The following PARD3B variants were observed in gnomAD, a reference collection of about 807,000 sequenced individuals.
PARD3B encodes the protein partitioning defective 3 homolog B.
In PARD3B, 103 loss-of-function variants were observed where a neutral mutation model predicts 130.2. The observed-to-expected ratio is 0.79, with a 90% CI of 0.67 to 0.93. The LOEUF is 0.93. PARD3B is among the 40% of genes least tolerant of loss of function. PARD3B has a pLI of 0.00. For synonymous variants in PARD3B, 583 were observed against 553.2 expected (o/e 1.05, Z -0.76); for missense variants, 1,609 against 1,499.2 (o/e 1.07, Z -1.21).
rs58133781 is a variant in PARD3B at position 205,145,823 on chromosome 2, C to CAAA, written c.1435-12884_1435-12882dup. 2.5e-3 allele frequency among the ~76,000 whole-genome samples: 314 copies of CAAA among 126,738 alleles called. 1 individual carries two copies. The highest frequency in any genetic ancestry group is 7.4e-3 in the African/African-American group (251 of 33,914). The allele number at this position is 126,738 out of a possible 152,430, so 83.1% of individuals were successfully genotyped here. A position where few individuals can be genotyped will look rare whatever the true frequency, so the allele number is the denominator to read the frequency against. On this transcript the variant is annotated intron_variant, in intron 10 of 22. Coordinates refer to ENST00000406610, the MANE Select transcript of PARD3B (RefSeq NM_001302769.2). ...ACTTTAAAAATAGCCTCCAAGAAGT[C>CAAA]AAAAAAAAAAAAAAAAACACCTTTT...
rs2051298809 is a variant in PARD3B at position 205,525,542 on chromosome 2, C to T, written c.3180+25511C>T. Among the ~76,000 whole-genome samples, 1 of 152,080 alleles carries T rather than the reference C, an allele frequency of 6.6e-6. No individual in the cohort carries two copies. Among genetic ancestry groups the T allele is most frequent in the Non-Finnish European group, 1.5e-5 (1 of 68,026 alleles). ...ATTATTAAAGATAAAAAACAAAGTT[C>T]CTGCTATAAACATAGGGGTATTGGT... On this transcript the variant is annotated intron_variant, in intron 21 of 22. Coordinates refer to ENST00000406610, the MANE Select transcript of PARD3B (RefSeq NM_001302769.2). This position sits in a 1 kb window ranked among gnomAD's most constrained non-coding sequence, Gnocchi z 4.2.
At chr2:205,029,469 AGCTTCCAGCTTAGTGC>A (rs1180060676) in intron 3 of PARD3B, among the ~76,000 whole-genome samples, 1 of 152,150 alleles carries the variant, frequency 6.6e-6, no homozygotes, top group Non-Finnish European at 1.5e-5. Flanking sequence ...AGTTTTCCCT[AGCTTCCAGCTTAGTGC>A]TTTGAACATA....
chr2:204,588,472 C>G (rs992265724), intron 1 of PARD3B, among the ~76,000 whole-genome samples: 2 of 152,178 alleles, frequency 1.3e-5, no homozygotes, highest in African/African-American at 4.8e-5. Flanking sequence ...CCTACAGAAA[C>G]TATTCCCCCC....
intron 18 of PARD3B, among the ~76,000 whole-genome samples, chr2:205,324,865 G>A (rs1023625785): frequency 6.6e-6 from 1 of 152,018 alleles, no homozygotes; most frequent in Non-Finnish European, 1.5e-5. Context: ...TGGTCCGTAG[G>A]TACCCCAAAA....
In PARD3B at chr2:205,154,659, A is replaced by G. The variant is rs552464332; in HGVS notation, c.1435-4063A>G. Among the ~76,000 whole-genome samples, 439 of 152,354 alleles carry G rather than the reference A, an allele frequency of 2.9e-3. 2 individuals carry two copies. The highest frequency in any genetic ancestry group is 6.9e-3 in the African/African-American group (287 of 41,594). On this transcript the variant is annotated intron_variant, in intron 10 of 22. Coordinates refer to ENST00000406610, the MANE Select transcript of PARD3B (RefSeq NM_001302769.2). ...TTGGAACCAACCCAAATGTCCATCA[A>G]TGACAGACTGGATTAAGAAAACATG...
chr2:205,313,183 A>T (rs2042449653), intron 18 of PARD3B, among the ~76,000 whole-genome samples: 1 of 152,208 alleles, frequency 6.6e-6, no homozygotes, highest in Non-Finnish European at 1.5e-5. Context: ...AAGCACATTT[A>T]GGATTGTTTG....
chr2:205,074,887 A>G (rs999852699), intron 4 of PARD3B, among the ~76,000 whole-genome samples: 27 of 152,218 alleles, frequency 1.8e-4, no homozygotes, highest in African/African-American at 5.5e-4. Flanking sequence ...GTTATTCTAC[A>G]TCAAAATATA....
intron 1 of PARD3B, among the ~76,000 whole-genome samples, chr2:204,660,920 A>T (rs2035786350): frequency 6.6e-6 from 1 of 152,206 alleles, no homozygotes; most frequent in Non-Finnish European, 1.5e-5. Context: ...AAATGAAGCC[A>T]TTAATTCCCA....
chr2:205,393,919 T>C (rs983800493), intron 18 of PARD3B, among the ~76,000 whole-genome samples: 3 of 151,906 alleles, frequency 2.0e-5, no homozygotes, highest in Non-Finnish European at 4.4e-5. Context: ...AGGAAAGAAA[T>C]AGAAACAGAA....
At chr2:204,914,187 G>A (rs935972198) in intron 2 of PARD3B, among the ~76,000 whole-genome samples, 3 of 152,172 alleles carry the variant, frequency 2.0e-5, no homozygotes, top group African/African-American at 7.2e-5. Context: ...TTCAGTCTGT[G>A]AGATGAGGGT....
chr2:204,978,591 G>C (rs1692392208), intron 3 of PARD3B, among the ~76,000 whole-genome samples: 1 of 152,176 alleles, frequency 6.6e-6, no homozygotes, highest in Admixed American at 6.5e-5. Context: ...GCTCAGTAAA[G>C]CACATCAGCT....
chr2:204,582,455 ACTAT>A (rs1288578174), intron 1 of PARD3B, among the ~76,000 whole-genome samples: 2 of 152,054 alleles, frequency 1.3e-5, no homozygotes, highest in African/African-American at 4.8e-5. Context: ...TTTTTTCTTG[ACTAT>A]CAAGAAAGAA....
At chr2:205,038,992 C>T (rs1575611269) in intron 3 of PARD3B, among the ~76,000 whole-genome samples, 1 of 152,078 alleles carries the variant, frequency 6.6e-6, no homozygotes, top group South Asian at 2.1e-4. Context: ...GGCACCAAAC[C>T]GGGTCAGGCA....
At chr2:205,061,558 C>T (rs1228633374) in intron 4 of PARD3B, among the ~76,000 whole-genome samples, 2 of 152,106 alleles carry the variant, frequency 1.3e-5, no homozygotes, top group Non-Finnish European at 2.9e-5. Context: ...GTGTTAAATA[C>T]ATACGTATGT....
chr2:205,529,185 C>CT (rs2106424193), intron 21 of PARD3B, among the ~76,000 whole-genome samples: 1 of 152,272 alleles, frequency 6.6e-6, no homozygotes, highest in Non-Finnish European at 1.5e-5. Flanking sequence ...TGGGGATCTG[C>CT]TTTGATGTCT....
Position 204,853,433 on chromosome 2 carries a change from G to A in PARD3B, c.223-111719G>A, listed in dbSNP as rs546284115. 1.0e-3 allele frequency among the ~76,000 whole-genome samples: 154 copies of A among 152,186 alleles called. 2 individuals carry two copies. Among genetic ancestry groups the A allele is most frequent in the Non-Finnish European group, 9.0e-4 (61 of 67,996 alleles). ...AAAGTGAAGACAGAATGATGGGCTG[G>A]GTTGTGTTGTTTGAGGCCAAGAGTT... On this transcript the variant is annotated intron_variant, in intron 2 of 22. Transcript: ENST00000406610.
chr2:204,561,305 G>A (rs1349970004), intron 1 of PARD3B, among the ~76,000 whole-genome samples: 1 of 152,246 alleles, frequency 6.6e-6, no homozygotes, highest in Admixed American at 6.5e-5. Context: ...GTTAATGAAA[G>A]TATAAATTGA....
chr2:204,974,615 C>T (rs1323416885), intron 3 of PARD3B, among the ~76,000 whole-genome samples: 1 of 152,130 alleles, frequency 6.6e-6, no homozygotes, highest in Non-Finnish European at 1.5e-5. Flanking sequence ...CTTTTTACCC[C>T]AGAGATCTGA....
intron 2 of PARD3B, among the ~76,000 whole-genome samples, chr2:204,846,811 A>G (rs2044479780): frequency 6.6e-6 from 1 of 151,860 alleles, no homozygotes; most frequent in African/African-American, 2.4e-5. Flanking sequence ...ATTAATTCTT[A>G]TACCAGGAGA....
Sources: gnomAD v4.1 joint callset for allele counts (sites outside exome capture counted in the v4.1 genomes callset) on GRCh38, gnomAD v4.1.1 for gene constraint, Gnocchi (gnomAD v3.1) non-coding constraint, MANE v1.5 for transcripts, NCBI Gene and HGNC (gene_info 2026-07-23, HGNC 2026-07-21) for gene names.